Variants in DTNB observed in about 807,000 individuals in gnomAD.
The protein encoded by DTNB is DTN-B.
In DTNB, 63 loss-of-function variants were observed where a neutral mutation model predicts 90.7. The observed-to-expected ratio is 0.69, with a 90% confidence interval of 0.57 to 0.86. The LOEUF is 0.86. DTNB is among the 40% of genes least tolerant of loss of function. The probability of loss-of-function intolerance (pLI) is 0.00; values close to 1 mark genes in which losing one functional copy is unlikely to be tolerated. For synonymous variants in DTNB, 277 were observed against 286.7 expected (o/e 0.97, Z 0.34); for missense variants, 744 against 807.1 (o/e 0.92, Z 0.95).
chr2:25,586,565 A>T (rs1180059823), intron 6 of DTNB, among the ~76,000 whole-genome samples: 2 of 151,742 alleles, frequency 1.3e-5, no homozygotes, highest in Admixed American at 6.6e-5. Context: ...AGGAAATAGT[A>T]TCGATCGTTT....
At chr2:25,406,475 C>T (rs1345191777) in intron 16 of DTNB, among the ~76,000 whole-genome samples, 2 of 148,356 alleles carry the variant, frequency 1.3e-5, no homozygotes, top group Non-Finnish European at 3.0e-5. Flanking sequence ...GCGGAGGTTG[C>T]GGTGAGCCGA....
At chr2:25,544,226 G>C (rs1369522356) in intron 8 of DTNB, among the ~76,000 whole-genome samples, 1 of 152,208 alleles carries the variant, frequency 6.6e-6, no homozygotes, top group Non-Finnish European at 1.5e-5. Context: ...GTGGGCAGCA[G>C]GCGACTCACT....
chr2:25,447,223 GT>G (rs2058548534), intron 12 of DTNB, among the ~76,000 whole-genome samples: 1 of 152,180 alleles, frequency 6.6e-6, no homozygotes, highest in African/African-American at 2.4e-5. Flanking sequence ...CAGCACAGGG[GT>G]TCAAGTTTAG....
rs149954692 is a variant in DTNB, at chr2:25,587,566, C to G, written c.604-6740G>C. Among the ~76,000 whole-genome samples the G allele has an allele frequency of 5.5e-3, 844 of 152,248 alleles. 6 individuals are homozygous for G. Among genetic ancestry groups the G allele is most frequent in the African/African-American group, 0.019 (808 of 41,540 alleles). On this transcript the variant is annotated intron_variant, in intron 6 of 20. Coordinates refer to ENST00000406818, the MANE Select transcript of DTNB (RefSeq NM_021907.5). Reference sequence around the variant, plus strand: ...ACAGGCTGGGGAACTTCTTTCAGCTCATGAATCATCAGTGGGGAAGCGGGG... The same window carrying G: ...ACAGGCTGGGGAACTTCTTTCAGCTGATGAATCATCAGTGGGGAAGCGGGG...
chr2:25,466,577 C>T (rs908646113), intron 10 of DTNB, among the ~76,000 whole-genome samples: 8 of 152,124 alleles, frequency 5.3e-5, no homozygotes, highest in Non-Finnish European at 7.4e-5. Flanking sequence ...CTCAGCCAGG[C>T]GAGTGCTGCG....
At position 25,653,500 on chromosome 2, in the gene DTNB, TTTCTTTCTTTCTTTC is replaced by T. The variant is rs1402260808; in HGVS notation, c.-1-854_-1-840del. On this transcript the variant is annotated intron_variant, in intron 1 of 20. Transcript: ENST00000406818. ...CTTGCTTTCTTTCTTTCTTTCTTTC[TTTCTTTCTTTCTTTC>T]TTTTTTTTTTTTTTTTTTGACAGTC... 4.3e-4 allele frequency among the ~76,000 whole-genome samples: 56 copies of T among 131,432 alleles called. 2 individuals carry two copies. The South Asian group carries it at 8.8e-3, about 21-fold the overall frequency. 86.2% of individuals were successfully genotyped at this position (131,432 alleles called of 152,430 possible).
chr2:25,496,649 G>C (rs2068914525), intron 9 of DTNB, among the ~76,000 whole-genome samples: 1 of 152,064 alleles, frequency 6.6e-6, no homozygotes, highest in Admixed American at 6.6e-5. Context: ...TTCAAGACGA[G>C]CGTGGCCAAC....
intron 9 of DTNB, among the ~76,000 whole-genome samples, chr2:25,522,122 C>T (rs977559392): frequency 6.6e-6 from 1 of 152,136 alleles, no homozygotes; most frequent in Admixed American, 6.5e-5. Context: ...TATGTTTTTG[C>T]CAAAAGAAGC....
intron 1 of DTNB, among the ~76,000 whole-genome samples, chr2:25,663,850 T>C (rs1274871953): frequency 6.6e-6 from 1 of 152,206 alleles, no homozygotes; most frequent in Non-Finnish European, 1.5e-5. Context: ...ATTATTTATC[T>C]ATATATCATT....
chr2:25,480,158 G>A (rs1014304933), intron 10 of DTNB, among the ~76,000 whole-genome samples: 1 of 152,186 alleles, frequency 6.6e-6, no homozygotes, highest in African/African-American at 2.4e-5. Flanking sequence ...GAATATAAAT[G>A]GAATCCCCTA....
chr2:25,619,396 G>A (rs1273715740), intron 4 of DTNB, among the ~76,000 whole-genome samples: 1 of 152,194 alleles, frequency 6.6e-6, no homozygotes, highest in Non-Finnish European at 1.5e-5. Flanking sequence ...AATGGATGTT[G>A]CAATAATCAA....
rs937822233 is a variant in DTNB, at chr2:25,479,240, T to TA, written c.1079+3555dup. ...TAAAGCTTTAGAAGACATTTAAAAA[T>TA]AAAAAAAATTAGCATCATTTTCCAT... On this transcript the variant is annotated intron_variant, in intron 10 of 20. Transcript: ENST00000406818. Among the ~76,000 whole-genome samples, 143 of 152,094 alleles carry TA rather than the reference T, an allele frequency of 9.4e-4. No homozygotes were observed. The Middle Eastern group carries it at 0.014, about 14-fold the overall frequency.
At chr2:25,617,504 T>C (rs1446310031) in intron 4 of DTNB, among the ~76,000 whole-genome samples, 1 of 152,206 alleles carries the variant, frequency 6.6e-6, no homozygotes, top group African/African-American at 2.4e-5. Flanking sequence ...CAGTTAGTGC[T>C]ATCAAAAGGT....
intron 9 of DTNB, among the ~76,000 whole-genome samples, chr2:25,508,968 T>G (rs1252674758): frequency 6.6e-6 from 1 of 152,266 alleles, no homozygotes; most frequent in Non-Finnish European, 1.5e-5. Flanking sequence ...ATTTCCTAAT[T>G]GCTGCTAATA....
At chr2:25,642,508 G>A (rs1023835254) in intron 2 of DTNB, among the ~76,000 whole-genome samples, 8 of 150,976 alleles carry the variant, frequency 5.3e-5, no homozygotes, top group African/African-American at 9.7e-5. Context: ...TTGACCTCTC[G>A]GGCTCAGGTG....
chr2:25,460,448 G>A (rs1198123421), intron 10 of DTNB, among the ~76,000 whole-genome samples: 2 of 152,276 alleles, frequency 1.3e-5, no homozygotes, highest in East Asian at 3.8e-4. Flanking sequence ...TCTGGCTACA[G>A]CTGCCTACTA....
chr2:25,447,281 A>G (rs924598243), intron 12 of DTNB, among the ~76,000 whole-genome samples: 1 of 152,210 alleles, frequency 6.6e-6, no homozygotes, highest in Admixed American at 6.5e-5. Flanking sequence ...TTGAGAATGT[A>G]AGCAGAAATT....
chr2:25,617,751 G>A (rs1047746327), intron 4 of DTNB, among the ~76,000 whole-genome samples: 8 of 152,206 alleles, frequency 5.3e-5, no homozygotes, highest in South Asian at 2.1e-4. Flanking sequence ...GGTGATACGC[G>A]CCTGTAGTTC....
At chr2:25,438,051 A>T (rs1261227703) in intron 12 of DTNB, among the ~76,000 whole-genome samples, 1 of 152,230 alleles carries the variant, frequency 6.6e-6, no homozygotes, top group Non-Finnish European at 1.5e-5. Context: ...GAAGCCAACC[A>T]GGTGAAGGTC....
Sources: allele counts gnomAD v4.1 joint callset (sites outside exome capture counted in the v4.1 genomes callset), GRCh38; gene constraint gnomAD v4.1.1; transcripts MANE v1.5; gene names NCBI Gene and HGNC (gene_info 2026-07-23, HGNC 2026-07-21).